CHSY1: variants seen among roughly 807,000 people sequenced by gnomAD.
The protein encoded by CHSY1 is N-acetylgalactosaminyl-proteoglycan 3-beta-glucuronosyltransferase 1.
Under a neutral mutation model 59.8 loss-of-function variants are expected in CHSY1, and 13 were observed. The observed-to-expected ratio is 0.22, with a 90% CI of 0.14 to 0.35. The LOEUF is 0.35. Ranked by LOEUF, CHSY1 falls within the 10% of genes least tolerant of loss-of-function variation. The pLI, the probability that CHSY1 is intolerant of heterozygous loss-of-function variation, is 1.00. For missense variants in CHSY1, 947 were observed against 1,030.6 expected, an observed-to-expected ratio of 0.92 and a Z score of 1.11; for synonymous variants, 459 against 401.2, an observed-to-expected ratio of 1.14 and a Z score of -1.72.
intron 2 of CHSY1, among the ~76,000 whole-genome samples, chr15:101,214,410 AAAGT>A (rs1323926710): frequency 1.3e-5 from 2 of 152,254 alleles, no homozygotes; most frequent in Non-Finnish European, 2.9e-5. Context: ...GACATGGACT[AAAGT>A]AAGATCTGCA....
intron 2 of CHSY1, among the ~76,000 whole-genome samples, chr15:101,194,829 A>G (rs2038487586): frequency 6.6e-6 from 1 of 152,196 alleles, no homozygotes; most frequent in Non-Finnish European, 1.5e-5. Context: ...GAAGGGTGGG[A>G]GGATAAACAG....
chr15:101,204,206 G>A (rs538520668), intron 2 of CHSY1, among the ~76,000 whole-genome samples: 1 of 152,220 alleles, frequency 6.6e-6, no homozygotes, highest in African/African-American at 2.4e-5. Flanking sequence ...GGCCGAGGTG[G>A]GTGGATCAGC....
intron 1 of CHSY1, among the ~76,000 whole-genome samples, chr15:101,246,024 G>A (rs2039047539): frequency 6.6e-6 from 1 of 152,224 alleles, no homozygotes; most frequent in African/African-American, 2.4e-5. Flanking sequence ...AAGGTTGGTA[G>A]AGGAACAGTC....
rs767921438 is a variant in CHSY1 at position 101,216,522 on chromosome 15, C to T, written c.816+18560G>A. The stretch of plus-strand genomic sequence containing the variant: ...GGTGAACAGATATGGTACATCCGTA[C>T]GATGGAATAATATTCAGTGATTAAA... On this transcript the variant is annotated intron_variant, in intron 2 of 2. Transcript: ENST00000254190. Among the ~76,000 whole-genome samples the T allele has an allele frequency of 4.6e-5, 7 of 152,134 alleles. No homozygotes were observed. The East Asian group carries it at 9.6e-4, about 21-fold the overall frequency.
intron 1 of CHSY1, among the ~76,000 whole-genome samples, chr15:101,239,943 C>T (rs548423276): frequency 2.0e-5 from 3 of 152,304 alleles, no homozygotes; most frequent in South Asian, 2.1e-4. Context: ...CCAGCACAGA[C>T]GCAATTAATG....
chr15:101,235,682 A>G, intron 1 of CHSY1, 105 bp from the exon 2 acceptor site: 1 of 1,298,782 alleles, frequency 7.7e-7, no homozygotes, highest in Non-Finnish European at 1.1e-6. Context: ...ATGGAATGAT[A>G]AAAAGCTACT....
At chr15:101,238,514 T>C (rs1176728055) in intron 1 of CHSY1, among the ~76,000 whole-genome samples, 1 of 151,968 alleles carries the variant, frequency 6.6e-6, no homozygotes, top group Admixed American at 6.6e-5. Flanking sequence ...ACATTTAGGA[T>C]GTTAACTGGA....
At chr15:101,221,283 CAG>C (rs1281399125) in intron 2 of CHSY1, among the ~76,000 whole-genome samples, 7 of 152,184 alleles carry the variant, frequency 4.6e-5, no homozygotes, top group Admixed American at 3.9e-4. Context: ...CACTTGAGAT[CAG>C]AAGTTCAAGA....
In CHSY1 at chr15:101,251,210, C is replaced by T; in HGVS notation, c.247G>A (p.Asp83Asn). 1 of 1,595,134 alleles carries T rather than the reference C, an allele frequency of 6.3e-7. No individual in the cohort carries two copies. The highest frequency in any genetic ancestry group is 1.1e-5 in the South Asian group (1 of 89,500). Residue 83 changes from aspartate to asparagine, a missense_variant, in exon 1 of 3, where the codon GAC (aspartate) becomes AAC (asparagine). Coordinates refer to ENST00000254190, the MANE Select transcript of CHSY1 (RefSeq NM_014918.5). ...ACTCCCACGAAGAGAAAGTTCCTGTCGCGCGGGCCGCCATCTGGGTCCGAG... is the reference window on the plus strand; with the variant it reads ...ACTCCCACGAAGAGAAAGTTCCTGTTGCGCGGGCCGCCATCTGGGTCCGAG... ...PGSDPDGGPR[D>N]RNFLFVGVMT...
chr15:101,180,890 T>C (rs1420200817), intron 2 of CHSY1, among the ~76,000 whole-genome samples: 1 of 152,244 alleles, frequency 6.6e-6, no homozygotes, highest in Non-Finnish European at 1.5e-5. Context: ...GTTCACTTTC[T>C]AGCTGGGCTG....
intron 1 of CHSY1, among the ~76,000 whole-genome samples, chr15:101,237,990 T>C (rs1053422750): frequency 6.6e-6 from 1 of 152,180 alleles, no homozygotes; most frequent in African/African-American, 2.4e-5. Context: ...GAGAGAAATA[T>C]CTGAAAAGAT....
intron 2 of CHSY1, among the ~76,000 whole-genome samples, chr15:101,230,495 T>C (rs1292297827): frequency 3.3e-5 from 5 of 152,212 alleles, no homozygotes; most frequent in Non-Finnish European, 7.3e-5. Flanking sequence ...ATACAACATA[T>C]ACATGAATAC....
rs539782569 is a variant in CHSY1, at chr15:101,179,077, T to C, written c.817-97A>G. 50 of 1,225,010 alleles carry C rather than the reference T, an allele frequency of 4.1e-5. No homozygotes were observed. The African/African-American group carries it at 5.2e-4, about 13-fold the overall frequency. The allele number at this position is 1,225,010 out of a possible 1,614,324, so 75.9% of individuals were successfully genotyped here. A position where few individuals can be genotyped will look rare whatever the true frequency, so the allele number is the denominator to read the frequency against. ...TGCAAATATTAGAAATGTTTCTGAA[T>C]GGACCACAGCACACAAAAGGCCCTA... is the stretch of plus-strand genomic sequence containing the variant. On this transcript the variant is annotated intron_variant, in intron 2 of 2. Transcript: ENST00000254190.
chr15:101,209,361 G>T (rs1436337192), intron 2 of CHSY1, among the ~76,000 whole-genome samples: 1 of 152,238 alleles, frequency 6.6e-6, no homozygotes, highest in Non-Finnish European at 1.5e-5. Flanking sequence ...ACCTGTTTCA[G>T]ACTGAAAGTG....
intron 2 of CHSY1, among the ~76,000 whole-genome samples, chr15:101,198,040 C>A (rs542536523): frequency 5.1e-4 from 78 of 152,114 alleles, no homozygotes; most frequent in Non-Finnish European, 1.0e-3. Context: ...GTCCCCCTTC[C>A]CCTGTGGTGA....
At chr15:101,234,023 A>G (rs1365792463) in intron 2 of CHSY1, among the ~76,000 whole-genome samples, 1 of 152,232 alleles carries the variant, frequency 6.6e-6, no homozygotes, top group African/African-American at 2.4e-5. Context: ...TACAACCTCA[A>G]TAATTTTTTT....
In CHSY1 at chr15:101,195,637, C is replaced by A. The variant is rs535765036; in HGVS notation, c.817-16657G>T. On this transcript the variant is annotated intron_variant, in intron 2 of 2. Coordinates refer to ENST00000254190, the MANE Select transcript of CHSY1 (RefSeq NM_014918.5). Reference sequence around the variant, plus strand: ...GAGATCGAAACCATACTAGCTAACACGGTGAAACCCTGTTTCTACTAAAAA... The same window carrying A: ...GAGATCGAAACCATACTAGCTAACAAGGTGAAACCCTGTTTCTACTAAAAA... 4.7e-4 allele frequency among the ~76,000 whole-genome samples: 71 copies of A among 152,084 alleles called. 1 individual carries two copies. Among genetic ancestry groups the A allele is most frequent in the African/African-American group, 1.6e-3 (66 of 41,410 alleles).
chr15:101,233,908 A>C (rs981425669), intron 2 of CHSY1, among the ~76,000 whole-genome samples: 1 of 152,222 alleles, frequency 6.6e-6, no homozygotes, highest in Non-Finnish European at 1.5e-5. Flanking sequence ...GTTCAGAAAA[A>C]AGCTAACAGT....
At chr15:101,199,758 C>T (rs773618124) in intron 2 of CHSY1, among the ~76,000 whole-genome samples, 4 of 152,184 alleles carry the variant, frequency 2.6e-5, no homozygotes, top group Non-Finnish European at 5.9e-5. Flanking sequence ...AAACACGACG[C>T]ACCAGATTCT....
Sources: allele counts gnomAD v4.1 joint callset (sites outside exome capture counted in the v4.1 genomes callset), GRCh38; gene constraint gnomAD v4.1.1; transcripts MANE v1.5; gene names NCBI Gene and HGNC (gene_info 2026-07-23, HGNC 2026-07-21).